The following SLC22A23 variants were observed in gnomAD, a reference collection of about 807,000 sequenced individuals.
SLC22A23 encodes the protein solute carrier family 22 member 23.
Under a neutral mutation model 61.0 loss-of-function variants are expected in SLC22A23, and 26 were observed. The ratio of observed to expected loss-of-function variants is 0.43; its 90% CI spans 0.31 to 0.59. The LOEUF (loss-of-function observed/expected upper bound fraction) is 0.59, where lower values mean the gene tolerates loss of function less well. Among genes scored for constraint, SLC22A23 ranks in the 20% least tolerant of loss-of-function variants. The probability of loss-of-function intolerance (pLI) is 0.11; values close to 1 mark genes in which losing one functional copy is unlikely to be tolerated. For missense variants in SLC22A23, 796 were observed against 934.7 expected (o/e 0.85, Z 1.94); for synonymous variants, 430 against 413.9 (o/e 1.04, Z -0.47).
chr6:3,314,666 T>A (rs575583505), intron 4 of SLC22A23, among the ~76,000 whole-genome samples: 30 of 152,334 alleles, frequency 2.0e-4, no homozygotes, highest in African/African-American at 6.5e-4. Context: ...AATTTTTTTT[T>A]AAATGAGGCA....
At chr6:3,395,952 G>A (rs538431295) in intron 3 of SLC22A23, among the ~76,000 whole-genome samples, 23 of 152,288 alleles carry the variant, frequency 1.5e-4, no homozygotes, top group African/African-American at 4.3e-4. Flanking sequence ...TGGAAGTTAC[G>A]AGAACTCATG....
intron 3 of SLC22A23, among the ~76,000 whole-genome samples, chr6:3,383,354 G>A (rs1581790750): frequency 6.6e-6 from 1 of 152,218 alleles, no homozygotes; most frequent in East Asian, 1.9e-4. Flanking sequence ...TCTGAGGGTG[G>A]GGCTGGGGAG....
At position 3,330,351 on chromosome 6, in the gene SLC22A23, C is replaced by T. The variant is rs1763517984; in HGVS notation, c.914-6349G>A. On this transcript the variant is annotated intron_variant, in intron 3 of 9. Transcript: ENST00000406686. The surrounding 1 kb of genome is among the most constrained non-coding windows in gnomAD (Gnocchi z 4.7). ...TAAGCTGCTGACACCCACCTGGAGACCACCACAGTCCTCTGAAGACAGCCC... is the reference window on the plus strand; with the variant it reads ...TAAGCTGCTGACACCCACCTGGAGATCACCACAGTCCTCTGAAGACAGCCC... 6.6e-6 allele frequency among the ~76,000 whole-genome samples: 1 copy of T among 152,220 alleles called. No homozygotes were observed. Among genetic ancestry groups the T allele is most frequent in the African/African-American group, 2.4e-5 (1 of 41,456 alleles).
intron 3 of SLC22A23, among the ~76,000 whole-genome samples, chr6:3,344,998 A>G (rs1338581759): frequency 6.6e-6 from 1 of 152,268 alleles, no homozygotes; most frequent in Non-Finnish European, 1.5e-5. Context: ...TTATACAAAG[A>G]AAGTGGCCAT....
chr6:3,440,562 C>T (rs547203642), intron 1 of SLC22A23, among the ~76,000 whole-genome samples: 1 of 152,138 alleles, frequency 6.6e-6, no homozygotes, highest in Admixed American at 6.5e-5. Context: ...CAAAAATTAG[C>T]TGGGCACGGT....
Position 3,304,775 on chromosome 6 carries a change from T to G in SLC22A23, c.1083-6557A>C, listed in dbSNP as rs996766571. Among the ~76,000 whole-genome samples, 2 of 152,002 alleles carry G rather than the reference T, an allele frequency of 1.3e-5. No homozygotes were observed. Among genetic ancestry groups the G allele is most frequent in the African/African-American group, 4.8e-5 (2 of 41,396 alleles). ...ATCCCCTCGTACTGCTGGAGGTGTG[T>G]GGGGCAGGACCCAGAGGTAAGGCAT... On this transcript the variant is annotated intron_variant, in intron 4 of 9. Coordinates refer to ENST00000406686, the MANE Select transcript of SLC22A23 (RefSeq NM_015482.2). This position sits in a 1 kb window ranked among gnomAD's most constrained non-coding sequence, Gnocchi z 4.3.
At chr6:3,382,588 A>G (rs1402718570) in intron 3 of SLC22A23, among the ~76,000 whole-genome samples, 1 of 152,230 alleles carries the variant, frequency 6.6e-6, no homozygotes, top group Non-Finnish European at 1.5e-5. Flanking sequence ...TGAGTCATCT[A>G]CGACAGAGGT....
chr6:3,370,854 A>C (rs1766173033), intron 3 of SLC22A23, among the ~76,000 whole-genome samples: 1 of 152,218 alleles, frequency 6.6e-6, no homozygotes, highest in African/African-American at 2.4e-5. Context: ...AATTTCCTGA[A>C]AACAGCTCCT....
At chr6:3,273,619 CATCAA>C (rs1263517883) in intron 9 of SLC22A23, among the ~76,000 whole-genome samples, 5 of 152,356 alleles carry the variant, frequency 3.3e-5, no homozygotes, top group South Asian at 2.1e-4. Context: ...TGTTTTTCCT[CATCAA>C]ATCAAAAGCT....
intron 3 of SLC22A23, among the ~76,000 whole-genome samples, chr6:3,331,168 A>G (rs1763560705): frequency 6.6e-6 from 1 of 152,194 alleles, no homozygotes; most frequent in South Asian, 2.1e-4. Flanking sequence ...TTAAGAAATA[A>G]ACAAGATGGG....
chr6:3,335,280 G>T (rs1368438090), intron 3 of SLC22A23, among the ~76,000 whole-genome samples: 1 of 152,188 alleles, frequency 6.6e-6, no homozygotes, highest in African/African-American at 2.4e-5. Context: ...AGCGGCGGAG[G>T]CTCCGAGGCC....
intron 9 of SLC22A23, among the ~76,000 whole-genome samples, chr6:3,275,550 G>A (rs185278510): frequency 7.9e-5 from 12 of 152,310 alleles, no homozygotes; most frequent in Admixed American, 1.3e-4. Flanking sequence ...GAAAATATTC[G>A]TGAAGCATAT....
chr6:3,400,382 G>A (rs1340012204), intron 3 of SLC22A23, among the ~76,000 whole-genome samples: 1 of 152,140 alleles, frequency 6.6e-6, no homozygotes, highest in Non-Finnish European at 1.5e-5. Flanking sequence ...CACATGAGTG[G>A]GCCTCGTGGA....
chr6:3,392,102 C>T (rs1042819902), intron 3 of SLC22A23, among the ~76,000 whole-genome samples: 3 of 152,210 alleles, frequency 2.0e-5, no homozygotes, highest in Admixed American at 2.0e-4. Flanking sequence ...AGGCTCATAG[C>T]TGTACAAAAC....
At chr6:3,339,583 T>C (rs1764041059) in intron 3 of SLC22A23, among the ~76,000 whole-genome samples, 1 of 152,168 alleles carries the variant, frequency 6.6e-6, no homozygotes, top group Non-Finnish European at 1.5e-5. Context: ...AAGACCTTAC[T>C]GATAAAACAG....
rs188285867 is a variant in SLC22A23 at position 3,286,122 on chromosome 6, G to A, written c.1546+737C>T. Among the ~76,000 whole-genome samples, 60 of 150,114 alleles carry A rather than the reference G, an allele frequency of 4.0e-4. No individual in the cohort carries two copies. The highest frequency in any genetic ancestry group is 1.4e-3 in the African/African-American group (56 of 40,778). On this transcript the variant is annotated intron_variant, in intron 7 of 9. Transcript: ENST00000406686. The surrounding 1 kb of genome is among the most constrained non-coding windows in gnomAD (Gnocchi z 4.2). ...TAGATTTTTTTTTTTTTTTTGAGATGGAGTCTTGCTCTGTCACCCAGGCTG... is the reference window on the plus strand; with the variant it reads ...TAGATTTTTTTTTTTTTTTTGAGATAGAGTCTTGCTCTGTCACCCAGGCTG...
intron 1 of SLC22A23, among the ~76,000 whole-genome samples, chr6:3,441,300 T>A: frequency 6.6e-6 from 1 of 152,136 alleles, no homozygotes; most frequent in Non-Finnish European, 1.5e-5. Flanking sequence ...ATCTCTCCCA[T>A]CAAGTCCTAA....
chr6:3,324,245 A>G lies in SLC22A23; in HGVS notation c.914-243T>C. The G allele has an allele frequency of 3.7e-6, 2 of 534,640 alleles. No individual in the cohort carries two copies. Among genetic ancestry groups the G allele is most frequent in the Non-Finnish European group, 6.7e-6 (2 of 298,900 alleles). The allele number at this position is 534,640 out of a possible 1,614,324, so 33.1% of individuals were successfully genotyped here. Reference sequence around the variant, plus strand: ...GGCTAGTCGATGACGAAGGGATGCTATAATTCAGAGGAGCTTAGCTCAGAA... The same window carrying G: ...GGCTAGTCGATGACGAAGGGATGCTGTAATTCAGAGGAGCTTAGCTCAGAA... On this transcript the variant is annotated intron_variant, in intron 3 of 9. Transcript: ENST00000406686. This position sits in a 1 kb window ranked among gnomAD's most constrained non-coding sequence, Gnocchi z 4.3.
chr6:3,347,633 T>G (rs1209007189), intron 3 of SLC22A23, among the ~76,000 whole-genome samples: 1 of 152,138 alleles, frequency 6.6e-6, no homozygotes, highest in African/African-American at 2.4e-5. Flanking sequence ...GGCTACCTCC[T>G]GGTTCTTCTC....
Sources: gnomAD v4.1 joint callset for allele counts (sites outside exome capture counted in the v4.1 genomes callset) on GRCh38, gnomAD v4.1.1 for gene constraint, Gnocchi (gnomAD v3.1) non-coding constraint, MANE v1.5 for transcripts, NCBI Gene and HGNC (gene_info 2026-07-23, HGNC 2026-07-21) for gene names.